CD55: variants seen among roughly 807,000 people sequenced by gnomAD.
CD55 encodes the protein CD55 molecule (Cromer blood group).
CD55 carries 41 observed loss-of-function variants against 45.8 expected under a neutral mutation model. That is an observed-to-expected ratio of 0.90 (90% CI 0.70 to 1.16). CD55 has a LOEUF of 1.16. CD55 is among the 50% of genes most tolerant of loss of function. CD55 has a pLI of 0.00. For synonymous variants in CD55, 181 were observed against 181.1 expected, an observed-to-expected ratio of 1.00 and a Z score of 0.01; for missense variants, 416 against 469.8, an observed-to-expected ratio of 0.89 and a Z score of 1.06.
intron 7 of CD55, 152 bp from the exon 8 acceptor site, chr1:207,337,177 T>A: frequency 1.6e-6 from 1 of 630,710 alleles, no homozygotes; most frequent in Non-Finnish European, 2.8e-6. Flanking sequence ...ATGCTTCTGC[T>A]ACACAGGCCA....
chr1:207,352,970 T>A (rs1208555028), intron 9 of CD55, among the ~76,000 whole-genome samples: 1 of 151,660 alleles, frequency 6.6e-6, no homozygotes, highest in Non-Finnish European at 1.5e-5. Context: ...TTTTGCAAAA[T>A]TTGTAACTTG....
At position 207,322,466 on chromosome 1, in the gene CD55, C is replaced by A; in HGVS notation, c.185C>A (p.Thr62Lys). ...AGTTTTCCCGAGGATACTGTAATAA[C>A]GTACAAATGTGAAGAAAGCTTTGTG... ...RTSFPEDTVI[T>K]YKCEESFVKI... The change falls in exon 2 of 10, where the codon ACG becomes AAG. Residue 62 changes from threonine (T) to lysine (K), a missense_variant. Physicochemically the swap from Thr to Lys is moderately conservative, Grantham distance 78. This residue lies in a region of CD55 where 123 missense variants were observed against 105.1 expected (regional missense o/e 1.17). Coordinates refer to ENST00000367064, the MANE Select transcript of CD55 (RefSeq NM_000574.5). 6.2e-7 allele frequency: 1 copy of A among 1,614,130 alleles called. No individual in the cohort carries two copies. Among genetic ancestry groups the A allele is most frequent in the South Asian group, 1.1e-5 (1 of 91,080 alleles).
chr1:207,359,409 T>G, intron 9 of CD55, 137 bp from the exon 10 acceptor site: 1 of 720,996 alleles, frequency 1.4e-6, no homozygotes, highest in South Asian at 2.2e-5. Flanking sequence ...TTACTCATTA[T>G]TTTTTTTGTT....
At chr1:207,350,209 C>A in intron 9 of CD55, 1 of 412,270 alleles carries the variant, frequency 2.4e-6, no homozygotes. Flanking sequence ...AGGAATAAAG[C>A]CTACTTGATC....
chr1:207,352,018 C>G (rs777080617), intron 9 of CD55, among the ~76,000 whole-genome samples: 4 of 152,020 alleles, frequency 2.6e-5, no homozygotes, highest in Non-Finnish European at 5.9e-5. Context: ...GATAAATTAA[C>G]TCTACTGCAA....
chr1:207,353,206 G>A (rs1014420943), intron 9 of CD55, among the ~76,000 whole-genome samples: 2 of 151,764 alleles, frequency 1.3e-5, no homozygotes. Context: ...CCTAGTGACA[G>A]ACCAAGAGAC....
Position 207,347,122 on chromosome 1 carries a change from T to C in CD55, c.1081+7705T>C, listed in dbSNP as rs961516817. On this transcript the variant is annotated intron_variant, in intron 9 of 9. Transcript: ENST00000367064. ...TCTCTTCAAAATGTGATTATGTAAT[T>C]CCTGCTTAGGTTTCTCTCCATGGAA... The C allele has an allele frequency of 1.3e-4, 58 of 456,164 alleles. No individual in the cohort carries two copies. The Admixed American group carries it at 1.3e-3, about 11-fold the overall frequency. 28.3% of individuals were successfully genotyped at this position (456,164 alleles called of 1,614,324 possible).
intron 5 of CD55, among the ~76,000 whole-genome samples, chr1:207,328,404 C>T (rs934018840): frequency 4.6e-5 from 7 of 152,220 alleles, no homozygotes; most frequent in African/African-American, 1.7e-4. Context: ...AAAGTGAATT[C>T]TTAAACAATG....
chr1:207,339,404 C>G lies in CD55; in HGVS notation c.1068C>G (p.Thr356=). ...TTTCCCCTTCGTCTGTAGGTACTAC[C>G]CGTCTTCTATCTGGTAAGTTTGGCT... ...NKGSGTTSGT[T]RLLSGHTCFT... Residue 356 remains threonine, a synonymous_variant, in exon 9 of 10, where the codon ACC becomes ACG. Coordinates refer to ENST00000367064, the MANE Select transcript of CD55 (RefSeq NM_000574.5). 2 of 1,606,352 alleles carry G rather than the reference C, an allele frequency of 1.2e-6. No individual in the cohort carries two copies. The highest frequency in any genetic ancestry group is 1.1e-5 in the South Asian group (1 of 89,544).
At chr1:207,324,471 G>A (rs1261106950) in intron 2 of CD55, 88 bp from the exon 3 acceptor site, 1 of 779,722 alleles carries the variant, frequency 1.3e-6, no homozygotes, top group African/African-American at 1.8e-5. Flanking sequence ...AAAGAAAGGG[G>A]GTTATTAGGG....
chr1:207,357,874 T>C (rs1456601640), intron 9 of CD55, among the ~76,000 whole-genome samples: 1 of 152,200 alleles, frequency 6.6e-6, no homozygotes, highest in Non-Finnish European at 1.5e-5. Context: ...TAAAGTTTAA[T>C]TTATAAATGA....
intron 9 of CD55, among the ~76,000 whole-genome samples, chr1:207,345,600 G>T (rs1012431885): frequency 1.3e-5 from 2 of 151,930 alleles, no homozygotes; most frequent in Non-Finnish European, 2.9e-5. Flanking sequence ...GGGATCTGTT[G>T]CTGGAGAATT....
In CD55 at chr1:207,321,854, C is replaced by G. The variant is rs1380051263; in HGVS notation, c.89C>G (p.Pro30Arg). The G allele has an allele frequency of 6.5e-7, 1 of 1,527,736 alleles. No individual in the cohort carries two copies. The highest frequency in any genetic ancestry group is 8.8e-7 in the Non-Finnish European group (1 of 1,142,592). 94.6% of individuals were successfully genotyped at this position (1,527,736 alleles called of 1,614,324 possible). Residue 30 changes from proline (P) to arginine (R), a missense_variant, in exon 1 of 10, where the codon CCG (proline) becomes CGG (arginine). Physicochemically the swap from Pro to Arg is moderately radical, Grantham distance 103. Around this residue, in one of 3 missense-constraint regions of CD55, gnomAD observed 123 missense variants for 105.1 expected, o/e 1.17. Transcript: ENST00000367064. ...CTGCTGCTGGTGCTGTTGTGCCTGCCGGCCGTGTGGGGTGAGTAGGGGCCC... is the reference window on the plus strand; with the variant it reads ...CTGCTGCTGGTGCTGTTGTGCCTGCGGGCCGTGTGGGGTGAGTAGGGGCCC... Reference protein sequence around the residue: ...RLLLLVLLCLPAVWGDCGLPP... With the variant: ...RLLLLVLLCLRAVWGDCGLPP...
Position 207,359,852 on chromosome 1 carries a change from C to A in CD55, c.*242C>A. Reference sequence around the variant, plus strand: ...CAACTTGCAGAATTGAGAGTGATTCCTTTCCTAAAAGTGTAAGAAAGCATA... The same window carrying A: ...CAACTTGCAGAATTGAGAGTGATTCATTTCCTAAAAGTGTAAGAAAGCATA... On this transcript the variant is annotated 3_prime_UTR_variant, in exon 10 of 10. Coordinates refer to ENST00000367064, the MANE Select transcript of CD55 (RefSeq NM_000574.5). The A allele has an allele frequency of 2.7e-6, 1 of 372,242 alleles. No individual in the cohort carries two copies. The highest frequency in any genetic ancestry group is 4.7e-6 in the Non-Finnish European group (1 of 211,558). 23.1% of individuals were successfully genotyped at this position (372,242 alleles called of 1,614,324 possible).
intron 9 of CD55, among the ~76,000 whole-genome samples, chr1:207,348,094 A>C (rs891426506): frequency 5.9e-5 from 9 of 152,226 alleles, no homozygotes; most frequent in African/African-American, 1.7e-4. Context: ...ATACCCAATA[A>C]TGAGATTGCT....
At chr1:207,327,627 G>A (rs538552921) in intron 5 of CD55, among the ~76,000 whole-genome samples, 1 of 152,234 alleles carries the variant, frequency 6.6e-6, no homozygotes, top group South Asian at 2.1e-4. Context: ...TCCTGCAAAT[G>A]ACTTCTGAAG....
intron 9 of CD55, chr1:207,340,289 C>T: frequency 3.0e-6 from 1 of 333,612 alleles, no homozygotes; most frequent in East Asian, 4.9e-5. Context: ...CTGCAAATGA[C>T]ATAACTTTAT....
At chr1:207,321,978 G>C in intron 1 of CD55, 113 bp downstream of exon 1, 1 of 734,234 alleles carries the variant, frequency 1.4e-6, no homozygotes, top group South Asian at 1.8e-5. Flanking sequence ...CTTGGCCCGC[G>C]GTCGTGGTTC....
intron 9 of CD55, among the ~76,000 whole-genome samples, chr1:207,342,562 T>A (rs1655470354): frequency 6.6e-6 from 1 of 152,140 alleles, no homozygotes; most frequent in South Asian, 2.1e-4. Flanking sequence ...GGTCTTGGCA[T>A]ACTAATTTTT....
Sources: gnomAD v4.1 joint callset for allele counts (sites outside exome capture counted in the v4.1 genomes callset) on GRCh38, gnomAD v4.1.1 for gene constraint, gnomAD v4.1.1 regional missense constraint, MANE v1.5 for transcripts, NCBI Gene and HGNC (gene_info 2026-07-23, HGNC 2026-07-21) for gene names.